MEIS2: variants seen among roughly 807,000 people sequenced by gnomAD.
MEIS2 encodes Meis homeobox 2, also known as homeobox protein Meis2.
MEIS2 carries 9 observed loss-of-function variants against 58.6 expected under a neutral mutation model. The observed-to-expected ratio is 0.15, with a 90% CI of 0.09 to 0.27. The LOEUF is 0.27. MEIS2 is among the 10% of genes least tolerant of loss of function. The pLI, the probability that MEIS2 is intolerant of heterozygous loss-of-function variation, is 1.00. For missense variants in MEIS2, 427 were observed against 635.0 expected (o/e 0.67, Z 3.52); for synonymous variants, 221 against 228.4 (o/e 0.97, Z 0.29).
At chr15:37,085,895 A>G (rs896826509) in intron 6 of MEIS2, among the ~76,000 whole-genome samples, 1 of 152,194 alleles carries the variant, frequency 6.6e-6, no homozygotes, top group Non-Finnish European at 1.5e-5. Flanking sequence ...TCTTCGTGTC[A>G]GCTGTTTGCC....
Position 37,009,073 on chromosome 15 carries a change from A to G in MEIS2, c.900+27741T>C, listed in dbSNP as rs185054092. ...GGGAGGCCGAGGCGGGCAGATCACA[A>G]GGTCAGGAGATAGAGACCATCCTGG... On this transcript the variant is annotated intron_variant, in intron 8 of 11. Transcript: ENST00000561208. Among the ~76,000 whole-genome samples, 597 of 152,192 alleles carry G rather than the reference A, an allele frequency of 3.9e-3. 4 individuals carry two copies. Among genetic ancestry groups the G allele is most frequent in the African/African-American group, 0.012 (496 of 41,520 alleles).
rs1191115245 is a variant in MEIS2 at position 36,950,405 on chromosome 15, T to A, written c.901-5A>T. On this transcript the variant is annotated splice_region_variant and splice_polypyrimidine_tract_variant and intron_variant, in intron 8 of 11. Coordinates refer to ENST00000561208, the MANE Select transcript of MEIS2 (RefSeq NM_170675.5). ...CTCTTCGGAAGGGTACGGATGCTAA[T>A]GGAAAAACAAATGTTTTAAAAGATG... is the stretch of plus-strand genomic sequence containing the variant. The A allele has an allele frequency of 1.2e-6, 2 of 1,611,714 alleles. No individual in the cohort carries two copies. Among genetic ancestry groups the A allele is most frequent in the South Asian group, 2.2e-5 (2 of 90,910 alleles).
At chr15:36,970,258 G>A (rs974670827) in intron 8 of MEIS2, among the ~76,000 whole-genome samples, 2 of 151,798 alleles carry the variant, frequency 1.3e-5, no homozygotes, top group Non-Finnish European at 2.9e-5. Flanking sequence ...AAAAAAATTA[G>A]CCAGGCGTGG....
chr15:36,981,195 A>T (rs2059917719), intron 8 of MEIS2, among the ~76,000 whole-genome samples: 1 of 152,034 alleles, frequency 6.6e-6, no homozygotes, highest in Non-Finnish European at 1.5e-5. Context: ...TATACACTTT[A>T]TTGTGATTTT....
At chr15:37,027,132 G>T (rs1021340824) in intron 8 of MEIS2, among the ~76,000 whole-genome samples, 6 of 152,156 alleles carry the variant, frequency 3.9e-5, no homozygotes, top group East Asian at 1.9e-4. Flanking sequence ...CCACCCTAAT[G>T]CTTCCTACCT....
chr15:37,028,677 C>G (rs941263733), intron 8 of MEIS2, among the ~76,000 whole-genome samples: 3 of 152,180 alleles, frequency 2.0e-5, no homozygotes, highest in Non-Finnish European at 4.4e-5. Flanking sequence ...ATGCAGGTCA[C>G]TATTAAAATT....
intron 9 of MEIS2, among the ~76,000 whole-genome samples, chr15:36,899,885 G>C (rs943683311): frequency 2.0e-5 from 3 of 152,140 alleles, no homozygotes; most frequent in Non-Finnish European, 4.4e-5. Context: ...GGGGAAAAGA[G>C]GGTCTTGGCA....
At chr15:37,030,453 C>T (rs1359365309) in intron 8 of MEIS2, among the ~76,000 whole-genome samples, 1 of 152,046 alleles carries the variant, frequency 6.6e-6, no homozygotes, top group Non-Finnish European at 1.5e-5. Context: ...TCTTGTGCCT[C>T]AGCCTCCCCA....
chr15:36,994,839 A>G (rs1167196252), intron 8 of MEIS2, among the ~76,000 whole-genome samples: 1 of 152,202 alleles, frequency 6.6e-6, no homozygotes, highest in East Asian at 1.9e-4. Flanking sequence ...CATGAATAAT[A>G]TCCACCATCA....
At chr15:36,992,494 A>C (rs2060331295) in intron 8 of MEIS2, among the ~76,000 whole-genome samples, 1 of 152,178 alleles carries the variant, frequency 6.6e-6, no homozygotes, top group Non-Finnish European at 1.5e-5. Flanking sequence ...AGAAATAATA[A>C]AATTATTAGC....
rs904565271 is a variant in MEIS2 at position 37,031,816 on chromosome 15, T to C, written c.900+4998A>G. ...CTGCATACATAATATTACATCACTTTGTGTGTGTGTGTGTGTGTGTGTGTG... is the reference window on the plus strand; with the variant it reads ...CTGCATACATAATATTACATCACTTCGTGTGTGTGTGTGTGTGTGTGTGTG... On this transcript the variant is annotated intron_variant, in intron 8 of 11. Transcript: ENST00000561208. Among the ~76,000 whole-genome samples the C allele has an allele frequency of 8.4e-4, 11 of 13,062 alleles. No individual in the cohort carries two copies. In the South Asian group the frequency reaches 0.019, roughly 23 times the overall value. The allele number at this position is 13,062 out of a possible 152,430, so 8.6% of individuals were successfully genotyped here. A position where few individuals can be genotyped will look rare whatever the true frequency, so the allele number is the denominator to read the frequency against.
Position 37,010,290 on chromosome 15 carries a change from T to C in MEIS2, c.900+26524A>G, listed in dbSNP as rs936113375. 3.9e-5 allele frequency among the ~76,000 whole-genome samples: 6 copies of C among 152,130 alleles called. No homozygotes were observed. The East Asian group carries it at 7.7e-4, about 20-fold the overall frequency. On this transcript the variant is annotated intron_variant, in intron 8 of 11. Coordinates refer to ENST00000561208, the MANE Select transcript of MEIS2 (RefSeq NM_170675.5). ...TTTTAGTAGAGACGGGGTTTCACCA[T>C]GTTAGCCAGGATGGTCTGGATCTCC...
intron 8 of MEIS2, among the ~76,000 whole-genome samples, chr15:37,019,121 A>G (rs1262783082): frequency 6.6e-6 from 1 of 152,178 alleles, no homozygotes; most frequent in Admixed American, 6.5e-5. Context: ...ACTGTTTTAC[A>G]TATTCTATTT....
chr15:36,988,802 C>T (rs2060175594), intron 8 of MEIS2, among the ~76,000 whole-genome samples: 1 of 152,138 alleles, frequency 6.6e-6, no homozygotes, highest in Non-Finnish European at 1.5e-5. Context: ...TTGCATTCAT[C>T]TAAGAATTTC....
At chr15:36,911,464 G>A (rs1342387849) in intron 9 of MEIS2, among the ~76,000 whole-genome samples, 1 of 152,158 alleles carries the variant, frequency 6.6e-6, no homozygotes, top group Non-Finnish European at 1.5e-5. Context: ...AGGAGGTAGG[G>A]ACAATGTTAA....
Position 36,938,629 on chromosome 15 carries a change from C to T in MEIS2, c.977+11695G>A, listed in dbSNP as rs370725863. Among the ~76,000 whole-genome samples the T allele has an allele frequency of 3.3e-5, 5 of 152,228 alleles. No individual in the cohort carries two copies. In the South Asian group the frequency reaches 6.2e-4, roughly 19 times the overall value. ...TCTACCACGACTGGCCTCTGCATCT[C>T]TTGTTCTAATCAATTCAAAATACAA... On this transcript the variant is annotated intron_variant, in intron 9 of 11. Coordinates refer to ENST00000561208, the MANE Select transcript of MEIS2 (RefSeq NM_170675.5).
chr15:36,953,535 A>T (rs1396683054), intron 8 of MEIS2, among the ~76,000 whole-genome samples: 1 of 152,206 alleles, frequency 6.6e-6, no homozygotes, highest in Non-Finnish European at 1.5e-5. Flanking sequence ...CAACTTACTC[A>T]TAAGAGCACA....
intron 8 of MEIS2, among the ~76,000 whole-genome samples, chr15:36,982,159 T>A (rs1350781772): frequency 6.6e-6 from 1 of 152,164 alleles, no homozygotes; most frequent in Non-Finnish European, 1.5e-5. Flanking sequence ...TATCTCTCTA[T>A]ATCCTATTGG....
chr15:36,982,817 C>T (rs1244834292), intron 8 of MEIS2, among the ~76,000 whole-genome samples: 2 of 152,018 alleles, frequency 1.3e-5, no homozygotes, highest in Non-Finnish European at 2.9e-5. Flanking sequence ...CATCCCTTAA[C>T]TCTTCTCTTT....
Sources: gnomAD v4.1 joint callset for allele counts (sites outside exome capture counted in the v4.1 genomes callset) on GRCh38, gnomAD v4.1.1 for gene constraint, MANE v1.5 for transcripts, NCBI Gene and HGNC (gene_info 2026-07-23, HGNC 2026-07-21) for gene names.